MPDZ: variants seen among roughly 807,000 people sequenced by gnomAD.
The protein encoded by MPDZ is multiple PDZ domain crumbs cell polarity complex component, also known as multiple PDZ domain protein.
A neutral mutation model predicts 239.1 loss-of-function variants in MPDZ; 234 were observed. That is an observed-to-expected ratio of 0.98 (90% CI 0.88 to 1.09). The LOEUF (loss-of-function observed/expected upper bound fraction) is 1.09, where lower values mean the gene tolerates loss of function less well. MPDZ is among the 50% of genes least tolerant of loss of function. The pLI, the probability that MPDZ is intolerant of heterozygous loss-of-function variation, is 0.00. For missense variants in MPDZ, 3,175 were observed against 2,510.0 expected (o/e 1.26, Z -5.66); for synonymous variants, 1,048 against 881.3 (o/e 1.19, Z -3.35).
At chr9:13,135,762 C>T (rs529613662) in intron 31 of MPDZ, 9 of 171,522 alleles carry the variant, frequency 5.2e-5, no homozygotes, top group Non-Finnish European at 1.1e-4. Context: ...CCTCCGCTTG[C>T]AACATTTTTG....
intron 3 of MPDZ, among the ~76,000 whole-genome samples, chr9:13,241,428 G>C (rs981757395): frequency 7.9e-5 from 12 of 152,112 alleles, no homozygotes; most frequent in Admixed American, 3.3e-4. Flanking sequence ...TATTTCTTTC[G>C]TTCTGTCCTC....
Position 13,193,329 on chromosome 9 carries a change from A to T in MPDZ, c.1657-16T>A. ...CATGGGCCACCTGAAAAGAAAAAAA[A>T]AAAGATCACCACAATTTTTATATTC... On this transcript the variant is annotated splice_polypyrimidine_tract_variant and intron_variant, in intron 13 of 46. Transcript: ENST00000319217. 1.9e-6 allele frequency: 3 copies of T among 1,575,948 alleles called. No individual in the cohort carries two copies. Among genetic ancestry groups the T allele is most frequent in the Non-Finnish European group, 2.6e-6 (3 of 1,163,508 alleles).
chr9:13,168,842 T>C (rs1349254356), intron 21 of MPDZ, among the ~76,000 whole-genome samples: 1 of 152,166 alleles, frequency 6.6e-6, no homozygotes, highest in Non-Finnish European at 1.5e-5. Context: ...TGCTGACCCC[T>C]TGAATAGAAA....
chr9:13,275,012 C>T (rs182889761), intron 1 of MPDZ, among the ~76,000 whole-genome samples: 337 of 152,328 alleles, frequency 2.2e-3, no homozygotes, highest in African/African-American at 7.9e-3. Flanking sequence ...AAATAAGTGG[C>T]CTCAGGCCAA....
intron 23 of MPDZ, among the ~76,000 whole-genome samples, chr9:13,159,633 G>C (rs754857937): frequency 1.6e-4 from 25 of 152,084 alleles, no homozygotes; most frequent in Admixed American, 5.2e-4. Flanking sequence ...GCAGGGGATG[G>C]GGGGAGGTCC....
chr9:13,263,582 G>C (rs887753883), intron 1 of MPDZ, among the ~76,000 whole-genome samples: 4 of 152,066 alleles, frequency 2.6e-5, no homozygotes, highest in African/African-American at 9.7e-5. Flanking sequence ...ATCATTTTCA[G>C]TTTTACTATT....
intron 24 of MPDZ, among the ~76,000 whole-genome samples, 164 bp from the exon 25 acceptor site, chr9:13,150,852 C>G (rs117072302): frequency 0.078 from 11,899 of 151,814 alleles, 733 homozygotes; most frequent in Non-Finnish European, 0.11. Context: ...TTCTGTTCAT[C>G]AAATGATACT....
intron 10 of MPDZ, among the ~76,000 whole-genome samples, chr9:13,213,551 T>C (rs1055840069): frequency 1.3e-5 from 2 of 152,064 alleles, no homozygotes; most frequent in East Asian, 1.9e-4. Flanking sequence ...AAGATGGTGA[T>C]ATTTAGTAAA....
intron 13 of MPDZ, 64 bp from the exon 14 acceptor site, chr9:13,193,377 C>T (rs1328270188): frequency 7.2e-5 from 106 of 1,469,584 alleles, no homozygotes; most frequent in Non-Finnish European, 8.7e-5. Flanking sequence ...CTCATGCACA[C>T]ATTTTATGTT....
intron 12 of MPDZ, among the ~76,000 whole-genome samples, chr9:13,202,982 T>A (rs1956572328): frequency 6.6e-6 from 1 of 152,258 alleles, no homozygotes; most frequent in African/African-American, 2.4e-5. Context: ...TTCAATTTAC[T>A]GCATATTTTC....
intron 4 of MPDZ, 93 bp from the exon 5 acceptor site, chr9:13,223,803 G>T (rs1959606818): frequency 7.4e-7 from 1 of 1,358,800 alleles, no homozygotes; most frequent in Non-Finnish European, 9.8e-7. Flanking sequence ...AGGCCAAGGT[G>T]GGAGGATCAC....
At chr9:13,174,190 A>T (rs1221832760) in intron 21 of MPDZ, among the ~76,000 whole-genome samples, 1 of 152,186 alleles carries the variant, frequency 6.6e-6, no homozygotes, top group African/African-American at 2.4e-5. Flanking sequence ...AGTAGGGATT[A>T]GTTATTCCCT....
intron 8 of MPDZ, 74 bp from the exon 9 acceptor site, chr9:13,217,368 C>T (rs1430380450): frequency 3.2e-6 from 3 of 950,882 alleles, no homozygotes; most frequent in Non-Finnish European, 4.7e-6. Flanking sequence ...AACAAACAAA[C>T]AAAAAAACCA....
rs377490849 is a variant in MPDZ at position 13,122,221 on chromosome 9, G to C, written c.4954-51C>G. The C allele has an allele frequency of 2.6e-6, 4 of 1,549,206 alleles. No homozygotes were observed. In the African/African-American group the frequency reaches 5.4e-5, roughly 21 times the overall value. ...ATACTTATCCCATTCTCCTAGGAAT[G>C]GTGAGCAGAAATGGAGTCCAAACAC... On this transcript the variant is annotated intron_variant, in intron 36 of 46. Coordinates refer to ENST00000319217, the MANE Select transcript of MPDZ (RefSeq NM_001378778.1).
chr9:13,204,250 G>A (rs559000928), intron 12 of MPDZ, among the ~76,000 whole-genome samples: 10 of 151,832 alleles, frequency 6.6e-5, no homozygotes, highest in Admixed American at 2.6e-4. Context: ...CAGCACAACA[G>A]AATAAAAAGA....
intron 38 of MPDZ, chr9:13,119,910 G>A (rs935614914): frequency 1.4e-5 from 6 of 417,864 alleles, no homozygotes; most frequent in African/African-American, 6.2e-5. Context: ...GAGTAGAAGC[G>A]TGTATTACCA....
intron 25 of MPDZ, 62 bp downstream of exon 25, chr9:13,150,449 A>G (rs1310995048): frequency 1.5e-6 from 2 of 1,302,070 alleles, no homozygotes; most frequent in African/African-American, 3.1e-5. Context: ...TAGTAAAATT[A>G]AAAAATAAAT....
At chr9:13,272,700 T>TAAA (rs539786957) in intron 1 of MPDZ, among the ~76,000 whole-genome samples, 186 of 78,022 alleles carry the variant, frequency 2.4e-3, no homozygotes, top group African/African-American at 7.5e-3. Flanking sequence ...CTGTTCCTAC[T>TAAA]AAAAAAAAAA....
intron 18 of MPDZ, 77 bp from the exon 19 acceptor site, chr9:13,183,662 A>T (rs904463407): frequency 5.5e-5 from 75 of 1,357,724 alleles, no homozygotes; most frequent in Admixed American, 4.1e-4. Flanking sequence ...CTTGAGACTA[A>T]AAGGCAAACT....
Sources: allele counts gnomAD v4.1 joint callset (sites outside exome capture counted in the v4.1 genomes callset), GRCh38; gene constraint gnomAD v4.1.1; transcripts MANE v1.5; gene names NCBI Gene and HGNC (gene_info 2026-07-23, HGNC 2026-07-21).